The following SHANK2 variants were observed in gnomAD, a reference collection of about 807,000 sequenced individuals.
The protein encoded by SHANK2 is SH3 and multiple ankyrin repeat domains 2, also known as SH3 and multiple ankyrin repeat domains protein 2.
SHANK2 carries 43 observed loss-of-function variants against 133.7 expected under a neutral mutation model. The observed-to-expected ratio is 0.32, with a 90% confidence interval of 0.25 to 0.41. SHANK2 has a LOEUF of 0.41. Among genes scored for constraint, SHANK2 ranks in the 10% least tolerant of loss-of-function variants. The pLI is 1.00. For synonymous variants in SHANK2, 1,017 were observed against 952.8 expected, an observed-to-expected ratio of 1.07 and a Z score of -1.24; for missense variants, 1,994 against 2,235.8, an observed-to-expected ratio of 0.89 and a Z score of 2.18.
intron 1 of SHANK2, among the ~76,000 whole-genome samples, chr11:71,249,460 C>G (rs1480956867): frequency 6.6e-6 from 1 of 152,180 alleles, no homozygotes; most frequent in African/African-American, 2.4e-5. Flanking sequence ...TGGTTTTTCT[C>G]AGCCACACCC....
intron 10 of SHANK2, among the ~76,000 whole-genome samples, chr11:70,914,096 C>A (rs1004281405): frequency 2.0e-5 from 3 of 152,124 alleles, no homozygotes; most frequent in Non-Finnish European, 4.4e-5. Context: ...GTCGGGCCCT[C>A]AAAGCAGGTG....
chr11:70,568,351 G>A (rs1048661807), intron 17 of SHANK2, among the ~76,000 whole-genome samples: 1 of 152,202 alleles, frequency 6.6e-6, no homozygotes, highest in African/African-American at 2.4e-5. Context: ...TGCCTCACTC[G>A]GTGGGTGAAG....
At chr11:70,775,190 G>T (rs1316277902) in intron 14 of SHANK2, among the ~76,000 whole-genome samples, 1 of 152,196 alleles carries the variant, frequency 6.6e-6, no homozygotes, top group Admixed American at 6.5e-5. Flanking sequence ...GGGTGTGGTG[G>T]CTCAGGCCTC....
intron 8 of SHANK2, among the ~76,000 whole-genome samples, chr11:71,083,482 G>A (rs1951328566): frequency 6.6e-6 from 1 of 152,168 alleles, no homozygotes; most frequent in South Asian, 2.1e-4. Flanking sequence ...CTCAGAGAGG[G>A]TGGGGCACTT....
Position 70,653,163 on chromosome 11 carries a change from C to A in SHANK2, c.2061+6665G>T, listed in dbSNP as rs1479139826. ...AATTTTTTTGTATTTTTAGTAGAGA[C>A]GGGGTTTCACCATGTTAGCCAGGAT... On this transcript the variant is annotated intron_variant, in intron 17 of 25. Coordinates refer to ENST00000601538, the MANE Select transcript of SHANK2 (RefSeq NM_012309.5). Among the ~76,000 whole-genome samples the A allele has an allele frequency of 3.9e-5, 6 of 151,968 alleles. No individual in the cohort carries two copies. In the East Asian group the frequency reaches 1.2e-3, roughly 29 times the overall value.
chr11:70,700,235 A>G (rs1945489508), intron 14 of SHANK2, among the ~76,000 whole-genome samples: 1 of 152,078 alleles, frequency 6.6e-6, no homozygotes, highest in South Asian at 2.1e-4. Flanking sequence ...CACCATCTCC[A>G]TCATCGTCAC....
In SHANK2 at chr11:71,136,755, G is replaced by C. The variant is rs555552212; in HGVS notation, c.207+10365C>G. On this transcript the variant is annotated intron_variant, in intron 3 of 25. Coordinates refer to ENST00000601538, the MANE Select transcript of SHANK2 (RefSeq NM_012309.5). The stretch of plus-strand genomic sequence containing the variant: ...TTCCTGGTCGTCAGGGGCTGGAAGT[G>C]GGGGTGGGGATCCACTGCAACCCAG... Among the ~76,000 whole-genome samples the C allele has an allele frequency of 2.6e-5, 4 of 152,232 alleles. No homozygotes were observed. The South Asian group carries it at 6.2e-4, about 24-fold the overall frequency.
chr11:71,100,578 C>T (rs1951701200), intron 6 of SHANK2, among the ~76,000 whole-genome samples: 1 of 152,094 alleles, frequency 6.6e-6, no homozygotes. Context: ...AACTATAGAG[C>T]CAGTGGTTGG....
intron 17 of SHANK2, chr11:70,647,614 A>G (rs1555008825): frequency 6.6e-6 from 1 of 152,256 alleles, no homozygotes; most frequent in East Asian, 1.9e-4. Context: ...GTGCTGGCAC[A>G]CAGTAGGTGC....
intron 17 of SHANK2, among the ~76,000 whole-genome samples, chr11:70,546,719 G>A (rs1383075801): frequency 1.3e-5 from 2 of 152,152 alleles, no homozygotes; most frequent in Non-Finnish European, 2.9e-5. Flanking sequence ...GCAGATGCTG[G>A]GCTGCCCCAG....
At chr11:70,715,324 C>T (rs995427738) in intron 14 of SHANK2, among the ~76,000 whole-genome samples, 5 of 152,220 alleles carry the variant, frequency 3.3e-5, no homozygotes, top group Non-Finnish European at 5.9e-5. Flanking sequence ...GCTGCCCTCC[C>T]GCCACTGGGC....
intron 17 of SHANK2, among the ~76,000 whole-genome samples, chr11:70,658,244 C>G (rs868993024): frequency 9.9e-5 from 7 of 70,492 alleles, no homozygotes; most frequent in Admixed American, 7.6e-4. Context: ...CACACACACA[C>G]AGACACACAC....
chr11:71,185,054 T>G (rs1953642755), intron 2 of SHANK2, among the ~76,000 whole-genome samples: 2 of 152,184 alleles, frequency 1.3e-5, no homozygotes, highest in Non-Finnish European at 2.9e-5. Context: ...CTGCCTCCTC[T>G]CAGCCGATCA....
chr11:70,702,008 T>G (rs1945533297), intron 14 of SHANK2, among the ~76,000 whole-genome samples: 1 of 149,516 alleles, frequency 6.7e-6, no homozygotes, highest in Non-Finnish European at 1.5e-5. Flanking sequence ...ACTATCATCA[T>G]CATCAGCATC....
At chr11:71,172,351 C>T (rs1468247492) in intron 2 of SHANK2, among the ~76,000 whole-genome samples, 1 of 152,058 alleles carries the variant, frequency 6.6e-6, no homozygotes, top group Non-Finnish European at 1.5e-5. Flanking sequence ...GTGGCTCACA[C>T]CTGTAATCCC....
chr11:70,820,385 G>C lies in SHANK2; in HGVS notation c.1472C>G (p.Pro491Arg), dbSNP rs1171075826. The change falls in exon 12 of 26, where the codon CCG becomes CGG. Residue 491 changes from proline to arginine, a missense_variant. Physicochemically the swap from Pro to Arg is moderately radical, Grantham distance 103 (BLOSUM62 -2). Transcript: ENST00000601538. ...LGGAGEDGKR[P>R]QPLWHVGSPF... ...TTACCCGACATGCCAGAGAGGCTGC[G>C]GCCTCTTGCCGTCCTCGCCTGCGCC... is the stretch of plus-strand genomic sequence containing the variant. The C allele has an allele frequency of 1.5e-6, 1 of 655,868 alleles. No individual in the cohort carries two copies. The highest frequency in any genetic ancestry group is 2.9e-6 in the Non-Finnish European group (1 of 349,130). The allele number at this position is 655,868 out of a possible 1,614,324, so 40.6% of individuals were successfully genotyped here.
intron 12 of SHANK2, among the ~76,000 whole-genome samples, chr11:70,814,942 C>A (rs529948268): frequency 6.6e-6 from 1 of 152,304 alleles, no homozygotes; most frequent in African/African-American, 2.4e-5. Flanking sequence ...CCCTTGGCAG[C>A]TGGGAGAGAC....
intron 17 of SHANK2, among the ~76,000 whole-genome samples, chr11:70,623,547 G>A (rs2136467497): frequency 6.6e-6 from 1 of 152,224 alleles, no homozygotes; most frequent in Non-Finnish European, 1.5e-5. Flanking sequence ...TGGACTGGCT[G>A]GAAGGAAGGA....
intron 15 of SHANK2, among the ~76,000 whole-genome samples, chr11:70,680,922 G>C (rs1411510123): frequency 2.0e-5 from 3 of 152,152 alleles, no homozygotes; most frequent in African/African-American, 7.2e-5. Context: ...CAGGTCCTGC[G>C]GCCGAGATAC....
Sources: allele counts gnomAD v4.1 joint callset (sites outside exome capture counted in the v4.1 genomes callset), GRCh38; gene constraint gnomAD v4.1.1; transcripts MANE v1.5; gene names NCBI Gene and HGNC (gene_info 2026-07-23, HGNC 2026-07-21).